RXFP1: variants seen among roughly 807,000 people sequenced by gnomAD.
RXFP1 encodes the protein relaxin receptor 1.
RXFP1 carries 73 observed loss-of-function variants against 89.8 expected under a neutral mutation model. That is an observed-to-expected ratio of 0.81 (90% confidence interval 0.67 to 0.99). The LOEUF is 0.99. Ranked by LOEUF, RXFP1 falls within the 50% of genes least tolerant of loss-of-function variation. The pLI is 0.00. For synonymous variants in RXFP1, 277 were observed against 305.5 expected, an observed-to-expected ratio of 0.91 and a Z score of 0.97; for missense variants, 793 against 895.5, an observed-to-expected ratio of 0.89 and a Z score of 1.46.
intron 3 of RXFP1, among the ~76,000 whole-genome samples, chr4:158,594,018 AT>A (rs1156809176): frequency 2.6e-5 from 4 of 152,234 alleles, no homozygotes; most frequent in Admixed American, 2.6e-4. Flanking sequence ...ATTAACTATA[AT>A]ATTTTAGATC....
intron 2 of RXFP1, among the ~76,000 whole-genome samples, chr4:158,580,993 T>A (rs1757245957): frequency 6.6e-6 from 1 of 152,118 alleles, no homozygotes; most frequent in African/African-American, 2.4e-5. Flanking sequence ...TTTCACCATG[T>A]GGTCCAGGCT....
At chr4:158,609,265 T>C (rs143028516) in intron 6 of RXFP1, among the ~76,000 whole-genome samples, 2 of 152,370 alleles carry the variant, frequency 1.3e-5, no homozygotes, top group African/African-American at 2.4e-5. Flanking sequence ...CCACAGCAAC[T>C]GTACCATTTT....
At chr4:158,557,148 T>C (rs982228075) in intron 1 of RXFP1, among the ~76,000 whole-genome samples, 4 of 152,198 alleles carry the variant, frequency 2.6e-5, no homozygotes, top group African/African-American at 7.2e-5. Context: ...AATTGAATCA[T>C]TGTATAACAT....
chr4:158,609,845 C>A (rs1322388283), intron 6 of RXFP1, among the ~76,000 whole-genome samples: 1 of 152,166 alleles, frequency 6.6e-6, no homozygotes, highest in African/African-American at 2.4e-5. Context: ...TAAACACTAT[C>A]TGTTTGGTTT....
chr4:158,641,794 T>C (rs373573548), intron 14 of RXFP1, among the ~76,000 whole-genome samples: 6 of 152,356 alleles, frequency 3.9e-5, no homozygotes, highest in East Asian at 1.9e-4. Flanking sequence ...GAAAATTTCC[T>C]AGCAAATAAC....
intron 10 of RXFP1, among the ~76,000 whole-genome samples, chr4:158,627,501 TA>T (rs1340731412): frequency 8.5e-6 from 1 of 117,664 alleles, no homozygotes; most frequent in East Asian, 2.5e-4. Context: ...TCATGAGCCT[TA>T]GGGTGTGTGT....
rs1427247319 is a variant in RXFP1 at position 158,524,088 on chromosome 4, G to T, written c.49+2063G>T. On this transcript the variant is annotated intron_variant, in intron 1 of 17. Coordinates refer to ENST00000307765, the MANE Select transcript of RXFP1 (RefSeq NM_021634.4). ...AATCCTTTACCCTGTCTACCTTTCA[G>T]AAACCCTGTGTTCCATTCTTTATTA... Among the ~76,000 whole-genome samples the T allele has an allele frequency of 4.6e-5, 7 of 152,096 alleles. No individual in the cohort carries two copies. In the East Asian group the frequency reaches 1.4e-3, roughly 29 times the overall value.
chr4:158,606,765 T>C (rs1048584990), intron 5 of RXFP1, among the ~76,000 whole-genome samples: 4 of 151,734 alleles, frequency 2.6e-5, no homozygotes, highest in Non-Finnish European at 5.9e-5. Context: ...TTTTTTTTTT[T>C]TAGAGAGATA....
intron 5 of RXFP1, among the ~76,000 whole-genome samples, chr4:158,605,506 C>T (rs1300353137): frequency 6.6e-6 from 1 of 152,170 alleles, no homozygotes; most frequent in Non-Finnish European, 1.5e-5. Context: ...GTCAGATTCA[C>T]GATGAAGAAA....
At chr4:158,626,112 A>AGAT (rs1561157087) in intron 9 of RXFP1, among the ~76,000 whole-genome samples, 239 of 14,526 alleles carry the variant, frequency 0.016, 2 homozygotes, top group African/African-American at 0.031. Context: ...AGATATCTAT[A>AGAT]TAGATAGATA....
chr4:158,648,759 T>C (rs760619198), intron 17 of RXFP1, 42 bp downstream of exon 17: 265 of 1,186,678 alleles, frequency 2.2e-4, no homozygotes, highest in Non-Finnish European at 2.9e-4. Context: ...AATAAATCTG[T>C]TTTTACAGTG....
intron 9 of RXFP1, among the ~76,000 whole-genome samples, chr4:158,617,856 C>A (rs1272852734): frequency 1.3e-5 from 2 of 152,056 alleles, no homozygotes; most frequent in African/African-American, 2.4e-5. Flanking sequence ...ATAAGAAATT[C>A]TCAGAAGTTG....
At chr4:158,643,065 T>C (rs1232759785) in intron 14 of RXFP1, among the ~76,000 whole-genome samples, 10 of 152,222 alleles carry the variant, frequency 6.6e-5, no homozygotes, top group African/African-American at 2.4e-4. Flanking sequence ...AGATGGGTTC[T>C]CTACCTGTTT....
intron 3 of RXFP1, among the ~76,000 whole-genome samples, chr4:158,598,462 T>C (rs1441886491): frequency 1.3e-5 from 2 of 152,166 alleles, no homozygotes; most frequent in Admixed American, 6.5e-5. Flanking sequence ...GAAGTCAATA[T>C]GGGGAGAAAA....
At chr4:158,546,124 A>C (rs371778606) in intron 1 of RXFP1, among the ~76,000 whole-genome samples, 89 of 151,818 alleles carry the variant, frequency 5.9e-4, no homozygotes, top group African/African-American at 1.6e-3. Flanking sequence ...CTTTTATTTC[A>C]TTGAGCAGTG....
chr4:158,603,954 G>A (rs1762148837), intron 4 of RXFP1, among the ~76,000 whole-genome samples: 1 of 149,294 alleles, frequency 6.7e-6, no homozygotes, highest in South Asian at 2.1e-4. Flanking sequence ...ATGTTCTTGT[G>A]TATATCTGCA....
Position 158,542,109 on chromosome 4 carries a change from A to ATATATATTT in RXFP1, c.49+20085_49+20086insATATATTTT. 6.8e-4 allele frequency among the ~76,000 whole-genome samples: 24 copies of ATATATATTT among 35,232 alleles called. 1 individual carries two copies. Among genetic ancestry groups the ATATATATTT allele is most frequent in the East Asian group, 3.7e-3 (3 of 812 alleles). The allele number at this position is 35,232 out of a possible 152,430, so 23.1% of individuals were successfully genotyped here. A position where few individuals can be genotyped will look rare whatever the true frequency, so the allele number is the denominator to read the frequency against. On this transcript the variant is annotated intron_variant, in intron 1 of 17. Transcript: ENST00000307765. Reference sequence around the variant, plus strand: ...TATATATATATATATATATATATATATTTTTTTTTTAGTAGAGACAGGGTT... The same window carrying ATATATATTT: ...TATATATATATATATATATATATATATATATATTTTTTTTTTTTTAGTAGAGACAGGGTT...
intron 9 of RXFP1, among the ~76,000 whole-genome samples, chr4:158,624,105 A>G (rs1766225321): frequency 6.6e-6 from 1 of 152,204 alleles, no homozygotes; most frequent in African/African-American, 2.4e-5. Context: ...GAATGCCCAA[A>G]GAACATTCAC....
intron 1 of RXFP1, among the ~76,000 whole-genome samples, chr4:158,549,627 T>C (rs1275040169): frequency 6.6e-6 from 1 of 152,238 alleles, no homozygotes; most frequent in Non-Finnish European, 1.5e-5. Flanking sequence ...AGAGGGTTTT[T>C]GGTGTGGATG....
Sources: allele counts gnomAD v4.1 joint callset (sites outside exome capture counted in the v4.1 genomes callset), GRCh38; gene constraint gnomAD v4.1.1; transcripts MANE v1.5; gene names NCBI Gene and HGNC (gene_info 2026-07-23, HGNC 2026-07-21).